The following TMEM132D variants were observed in gnomAD, a reference collection of about 807,000 sequenced individuals.
The protein encoded by TMEM132D is transmembrane protein 132D.
In TMEM132D, 21 loss-of-function variants were observed where a neutral mutation model predicts 62.3. That is an observed-to-expected ratio of 0.34 (90% confidence interval 0.24 to 0.49). The LOEUF (loss-of-function observed/expected upper bound fraction) is 0.49, where lower values mean the gene tolerates loss of function less well. Among genes scored for constraint, TMEM132D ranks in the 20% least tolerant of loss-of-function variants. The pLI is 0.99. For synonymous variants in TMEM132D, 621 were observed against 575.6 expected (o/e 1.08, Z -1.13); for missense variants, 1,346 against 1,402.8 (o/e 0.96, Z 0.65).
At chr12:129,890,909 T>C (rs965686487) in intron 1 of TMEM132D, among the ~76,000 whole-genome samples, 1 of 152,216 alleles carries the variant, frequency 6.6e-6, no homozygotes, top group East Asian at 1.9e-4. Flanking sequence ...AAATAGATCC[T>C]AGGACGGAAC....
intron 3 of TMEM132D, among the ~76,000 whole-genome samples, chr12:129,403,133 T>G (rs1158007802): frequency 1.3e-5 from 2 of 151,666 alleles, no homozygotes; most frequent in Non-Finnish European, 2.9e-5. Context: ...AACAATATTC[T>G]TCATCTGGAA....
chr12:129,136,774 C>CTAT (rs1565975408), intron 5 of TMEM132D, among the ~76,000 whole-genome samples: 8 of 108,302 alleles, frequency 7.4e-5, no homozygotes, highest in African/African-American at 2.5e-4. Context: ...ACCATCATCA[C>CTAT]CATCACCATC....
chr12:129,146,673 A>G (rs996079059), intron 5 of TMEM132D, among the ~76,000 whole-genome samples: 1 of 152,188 alleles, frequency 6.6e-6, no homozygotes, highest in African/African-American at 2.4e-5. Context: ...ATGTTTGCAC[A>G]CATTTCCTGC....
intron 3 of TMEM132D, among the ~76,000 whole-genome samples, chr12:129,349,700 T>C (rs1428611620): frequency 1.3e-5 from 2 of 152,152 alleles, no homozygotes; most frequent in Non-Finnish European, 2.9e-5. Context: ...ACTCACATGC[T>C]CCCATGTAAA....
chr12:129,728,751 G>A (rs1203245312), intron 1 of TMEM132D, among the ~76,000 whole-genome samples: 1 of 152,176 alleles, frequency 6.6e-6, no homozygotes, highest in Admixed American at 6.5e-5. Context: ...TTGCGAAGAG[G>A]GAGAAACGCA....
intron 3 of TMEM132D, among the ~76,000 whole-genome samples, chr12:129,415,812 G>A (rs1464237882): frequency 1.3e-5 from 2 of 152,184 alleles, no homozygotes; most frequent in South Asian, 4.1e-4. Flanking sequence ...TGATCAGACT[G>A]GCATGGTGGC....
intron 3 of TMEM132D, among the ~76,000 whole-genome samples, chr12:129,460,433 C>T (rs61943149): frequency 0.19 from 29,569 of 152,082 alleles, 2,849 homozygotes; most frequent in Middle Eastern, 0.23. Flanking sequence ...TGAACTCAGG[C>T]TGCCGGGATC....
intron 1 of TMEM132D, among the ~76,000 whole-genome samples, chr12:129,838,147 G>T (rs1360063411): frequency 6.6e-6 from 1 of 152,102 alleles, no homozygotes; most frequent in Non-Finnish European, 1.5e-5. Context: ...TGGATTCCTG[G>T]TCTTTTTAAA....
At chr12:129,759,326 G>A (rs373307306) in intron 1 of TMEM132D, among the ~76,000 whole-genome samples, 2 of 152,136 alleles carry the variant, frequency 1.3e-5, no homozygotes, top group African/African-American at 4.8e-5. Flanking sequence ...TTAGGGTTTG[G>A]CCTTCAGTCA....
At chr12:129,536,832 TTC>T (rs1275728306) in intron 2 of TMEM132D, among the ~76,000 whole-genome samples, 1 of 152,160 alleles carries the variant, frequency 6.6e-6, no homozygotes, top group African/African-American at 2.4e-5. Context: ...TGTTTCCAAC[TTC>T]TTTGTCATGC....
chr12:129,327,764 A>G (rs1042958824), intron 4 of TMEM132D, among the ~76,000 whole-genome samples: 3 of 152,168 alleles, frequency 2.0e-5, no homozygotes, highest in Admixed American at 1.3e-4. Flanking sequence ...TGGTCTTTCT[A>G]TTTCCATTGT....
intron 2 of TMEM132D, among the ~76,000 whole-genome samples, chr12:129,564,964 C>T (rs1280295932): frequency 6.6e-6 from 1 of 152,096 alleles, no homozygotes; most frequent in Non-Finnish European, 1.5e-5. Flanking sequence ...AGGAGAAATA[C>T]CTATGCAGGA....
intron 5 of TMEM132D, among the ~76,000 whole-genome samples, chr12:129,135,562 G>A (rs12827386): frequency 0.9 from 137,159 of 152,290 alleles, 62,161 homozygotes; most frequent in Non-Finnish European, 0.95. Flanking sequence ...TTTGCTCAGC[G>A]TGACAGCTTT....
Position 129,389,556 on chromosome 12 carries a change from A to G in TMEM132D, c.1116-51739T>C, listed in dbSNP as rs1434424735. Among the ~76,000 whole-genome samples, 4 of 152,166 alleles carry G rather than the reference A, an allele frequency of 2.6e-5. No individual in the cohort carries two copies. In the East Asian group the frequency reaches 5.8e-4, roughly 22 times the overall value. Reference sequence around the variant, plus strand: ...CAACACTAACAATAATACTAACACCAACACTAATACAAACACCAATACCAA... The same window carrying G: ...CAACACTAACAATAATACTAACACCGACACTAATACAAACACCAATACCAA... On this transcript the variant is annotated intron_variant, in intron 3 of 8. Coordinates refer to ENST00000422113, the MANE Select transcript of TMEM132D (RefSeq NM_133448.3).
intron 4 of TMEM132D, 125 bp downstream of exon 4, chr12:129,337,509 C>A: frequency 8.9e-7 from 1 of 1,126,860 alleles, no homozygotes; most frequent in Non-Finnish European, 1.3e-6. Flanking sequence ...TTTGTGGTTT[C>A]GTTTCTCACT....
At chr12:129,868,308 T>C (rs1874126745) in intron 1 of TMEM132D, among the ~76,000 whole-genome samples, 1 of 152,226 alleles carries the variant, frequency 6.6e-6, no homozygotes, top group South Asian at 2.1e-4. Context: ...ATATGGTACA[T>C]ACATCTGTCC....
chr12:129,728,741 T>C (rs1242362042), intron 1 of TMEM132D, among the ~76,000 whole-genome samples: 2 of 152,214 alleles, frequency 1.3e-5, no homozygotes, highest in African/African-American at 4.8e-5. Context: ...GCTTCTGTAG[T>C]TGCGAAGAGG....
chr12:129,558,475 C>T (rs932191954), intron 2 of TMEM132D, among the ~76,000 whole-genome samples: 4 of 152,216 alleles, frequency 2.6e-5, no homozygotes, highest in Admixed American at 6.5e-5. Flanking sequence ...GGGCTACAGG[C>T]GACTAGATCA....
chr12:129,093,097 G>C (rs1874984556), intron 5 of TMEM132D, among the ~76,000 whole-genome samples: 1 of 152,200 alleles, frequency 6.6e-6, no homozygotes, highest in South Asian at 2.1e-4. Flanking sequence ...GGACATGCTG[G>C]ACCAGTTTCA....
Sources: allele counts gnomAD v4.1 joint callset (sites outside exome capture counted in the v4.1 genomes callset), GRCh38; gene constraint gnomAD v4.1.1; transcripts MANE v1.5; gene names NCBI Gene and HGNC (gene_info 2026-07-23, HGNC 2026-07-21).